Variants in DMD observed in about 807,000 individuals in gnomAD.
DMD encodes the protein dystrophin.
A neutral mutation model predicts 330.1 loss-of-function variants in DMD; 63 were observed. That is an observed-to-expected ratio of 0.19 (90% CI 0.16 to 0.24). The LOEUF is 0.24. Ranked by LOEUF, DMD falls within the 10% of genes least tolerant of loss-of-function variation. The pLI is 1.00. For missense variants in DMD, 3,344 were observed against 2,684.1 expected, an observed-to-expected ratio of 1.25 and a Z score of -5.43; for synonymous variants, 1,223 against 959.8, an observed-to-expected ratio of 1.27 and a Z score of -5.07.
chrX:31,454,913 T>G (rs950185916), intron 59 of DMD, among the ~76,000 whole-genome samples: 1 of 102,526 alleles, frequency 9.8e-6, no homozygotes, highest in Non-Finnish European at 2.0e-5. Flanking sequence ...ACCACTGGCA[T>G]TGATATATAT....
At chrX:33,121,152 CG>C (rs2095422100) in intron 1 of DMD, among the ~76,000 whole-genome samples, 1 of 110,375 alleles carries the variant, frequency 9.1e-6, no homozygotes. Flanking sequence ...ATATGTACTA[CG>C]TTTTTTACTG....
At chrX:32,432,638 G>A (rs1569562263) in intron 29 of DMD, among the ~76,000 whole-genome samples, 1 of 111,811 alleles carries the variant, frequency 8.9e-6, no homozygotes, top group Non-Finnish European at 1.9e-5. Context: ...TGCTTCTAAC[G>A]GCTTAGCAAA....
intron 54 of DMD, among the ~76,000 whole-genome samples, chrX:31,639,104 C>T (rs770784863): frequency 3.6e-5 from 4 of 111,527 alleles, no homozygotes; most frequent in Non-Finnish European, 5.7e-5. Context: ...TTAGGTGCTC[C>T]GAAAATACTG....
chrX:31,894,887 T>TATA (rs1452697710), intron 47 of DMD, among the ~76,000 whole-genome samples: 1 of 110,769 alleles, frequency 9.0e-6, no homozygotes, highest in Non-Finnish European at 1.9e-5. Context: ...TTCATCTATA[T>TATA]ATTTTTACAG....
chrX:32,641,006 A>T (rs73621812), intron 11 of DMD, among the ~76,000 whole-genome samples: 1 of 111,364 alleles, frequency 9.0e-6, no homozygotes, highest in Non-Finnish European at 1.9e-5. Context: ...TTCCTCCAGC[A>T]AGCCAAACTG....
chrX:31,499,658 A>G (rs1466324346), intron 56 of DMD, among the ~76,000 whole-genome samples: 1 of 109,381 alleles, frequency 9.1e-6, no homozygotes, highest in Non-Finnish European at 1.9e-5. Context: ...CACCCAGCTA[A>G]TTTTTGGTAT....
chrX:31,965,993 A>G (rs2095347407), intron 45 of DMD, among the ~76,000 whole-genome samples: 1 of 111,813 alleles, frequency 8.9e-6, no homozygotes, highest in African/African-American at 3.2e-5. Context: ...ACAGGGCTCC[A>G]TATAGACATC....
At chrX:32,791,700 A>AT (rs2148633943) in intron 7 of DMD, among the ~76,000 whole-genome samples, 1 of 112,232 alleles carries the variant, frequency 8.9e-6, no homozygotes, top group Non-Finnish European at 1.9e-5. Flanking sequence ...ATAACAAAAA[A>AT]TTTTAAAAAA....
intron 71 of DMD, 137 bp from the exon 72 acceptor site, chrX:31,173,741 C>A (rs899483978): frequency 2.3e-6 from 1 of 439,052 alleles, no homozygotes; most frequent in Non-Finnish European, 3.9e-6. Context: ...TTAGTTGCTC[C>A]TATATCTTAA....
chrX:32,485,176 A>G, intron 20 of DMD, 77 bp from the exon 21 acceptor site: 1 of 1,005,292 alleles, frequency 9.9e-7, no homozygotes, highest in Non-Finnish European at 1.4e-6. Flanking sequence ...GGTATTAAAA[A>G]GCAGTAAGGC....
intron 62 of DMD, among the ~76,000 whole-genome samples, chrX:31,280,254 A>G (rs1200435265): frequency 8.9e-6 from 1 of 112,466 alleles, no homozygotes; most frequent in Non-Finnish European, 1.9e-5. Context: ...GGGTATTTAG[A>G]AAAACAAGTA....
chrX:31,769,532 G>A lies in DMD; in HGVS notation c.7542+4428C>T, dbSNP rs778343819. On this transcript the variant is annotated intron_variant, in intron 51 of 78. Coordinates refer to ENST00000357033, the MANE Select transcript of DMD (RefSeq NM_004006.3). The stretch of plus-strand genomic sequence containing the variant: ...CTGTATCCAATCTTTTGGCTTCCCT[G>A]GGCCACACTGGAAGAAGAATTGTCC... 7.3e-4 allele frequency among the ~76,000 whole-genome samples: 81 copies of A among 111,648 alleles called. 1 individual carries two copies. Among genetic ancestry groups the A allele is most frequent in the African/African-American group, 2.2e-3 (69 of 30,712 alleles).
At chrX:33,082,907 A>T (rs1000744708) in intron 1 of DMD, among the ~76,000 whole-genome samples, 2 of 112,250 alleles carry the variant, frequency 1.8e-5, no homozygotes, top group African/African-American at 6.5e-5. Flanking sequence ...CCCTCTCTCC[A>T]TTACATAACA....
At chrX:32,111,547 T>G (rs2082330319) in intron 44 of DMD, among the ~76,000 whole-genome samples, 1 of 112,145 alleles carries the variant, frequency 8.9e-6, no homozygotes, top group African/African-American at 3.2e-5. Flanking sequence ...TTTTTACTAT[T>G]TGTGATACAC....
At chrX:31,624,602 T>C (rs1176788554) in intron 55 of DMD, among the ~76,000 whole-genome samples, 1 of 112,321 alleles carries the variant, frequency 8.9e-6, no homozygotes, top group African/African-American at 3.2e-5. Context: ...CTTCATTCAC[T>C]AGCATTTGTA....
intron 7 of DMD, among the ~76,000 whole-genome samples, chrX:32,766,340 TTTTCA>T (rs1245992685): frequency 9.0e-6 from 1 of 111,537 alleles, no homozygotes; most frequent in African/African-American, 3.3e-5. Flanking sequence ...CTGGGGTTCC[TTTTCA>T]TTTATTTATA....
Position 32,857,576 on chromosome X carries a change from A to G in DMD, c.94-7756T>C, listed in dbSNP as rs1379585187. 3.6e-5 allele frequency among the ~76,000 whole-genome samples: 4 copies of G among 112,294 alleles called. No individual in the cohort carries two copies. The South Asian group carries it at 1.5e-3, about 41-fold the overall frequency. ...TGCAATGTGTCCATTGTTGAAGAAAATATAGTTAACTGTTAACTGACAGAG... is the reference window on the plus strand; with the variant it reads ...TGCAATGTGTCCATTGTTGAAGAAAGTATAGTTAACTGTTAACTGACAGAG... On this transcript the variant is annotated intron_variant, in intron 2 of 78. Transcript: ENST00000357033.
intron 57 of DMD, among the ~76,000 whole-genome samples, chrX:31,481,683 T>C (rs1055680491): frequency 8.0e-5 from 9 of 111,897 alleles, no homozygotes; most frequent in African/African-American, 2.6e-4. Flanking sequence ...GGAGATTAGA[T>C]CTGTAGCAAT....
chrX:31,457,769 G>A (rs966583171), intron 59 of DMD, among the ~76,000 whole-genome samples: 5 of 111,200 alleles, frequency 4.5e-5, no homozygotes, highest in African/African-American at 1.6e-4. Context: ...GGTTCTAGGG[G>A]GAAGGCACTC....
Sources: allele counts gnomAD v4.1 joint callset (sites outside exome capture counted in the v4.1 genomes callset), GRCh38; gene constraint gnomAD v4.1.1; transcripts MANE v1.5; gene names NCBI Gene and HGNC (gene_info 2026-07-23, HGNC 2026-07-21).